TNRC6B: variants seen among roughly 807,000 people sequenced by gnomAD.
The protein encoded by TNRC6B is trinucleotide repeat-containing gene 6B protein.
Under a neutral mutation model 203.6 loss-of-function variants are expected in TNRC6B, and 52 were observed. That is an observed-to-expected ratio of 0.26 (90% confidence interval 0.20 to 0.32). The LOEUF is 0.32. Among genes scored for constraint, TNRC6B ranks in the 10% least tolerant of loss-of-function variants. TNRC6B has a pLI of 1.00. For missense variants in TNRC6B, 1,923 were observed against 2,286.2 expected, an observed-to-expected ratio of 0.84 and a Z score of 3.24; for synonymous variants, 838 against 845.7, an observed-to-expected ratio of 0.99 and a Z score of 0.16.
At chr22:40,111,928 C>T (rs1568987078) in intron 1 of TNRC6B, among the ~76,000 whole-genome samples, 1 of 152,144 alleles carries the variant, frequency 6.6e-6, no homozygotes, top group Non-Finnish European at 1.5e-5. Flanking sequence ...TGGTAAAACC[C>T]CAACTCTACT....
chr22:40,177,735 C>G (rs1439491909), upstream of TNRC6B, among the ~76,000 whole-genome samples: 1 of 152,204 alleles, frequency 6.6e-6, no homozygotes, highest in Non-Finnish European at 1.5e-5. Flanking sequence ...GCTGTTGCCA[C>G]TTTCACATGC....
At chr22:40,173,798 T>TATATATATATAA (rs1347105048), upstream of TNRC6B, among the ~76,000 whole-genome samples, 43 of 61,106 alleles carry the variant, frequency 7.0e-4, no homozygotes, top group Non-Finnish European at 1.1e-3. Flanking sequence ...TATATATTTT[T>TATATATATATAA]TTTTTTTTTT....
chr22:40,182,239 C>T (rs1414470560), intron 1 of TNRC6B, among the ~76,000 whole-genome samples: 3 of 150,188 alleles, frequency 2.0e-5, no homozygotes, highest in Non-Finnish European at 3.0e-5. Flanking sequence ...AGGGAGACTC[C>T]GTCTCAAAAA....
chr22:40,090,401 G>GT (rs60280693), intron 1 of TNRC6B, among the ~76,000 whole-genome samples: 282 of 136,714 alleles, frequency 2.1e-3, no homozygotes, highest in East Asian at 0.013. Context: ...GCATCTCATT[G>GT]TTTTTTTTTT....
At chr22:40,279,720 G>T (rs1204661755) in intron 9 of TNRC6B, among the ~76,000 whole-genome samples, 1 of 152,060 alleles carries the variant, frequency 6.6e-6, no homozygotes, top group African/African-American at 2.4e-5. Context: ...TATCCCTAAG[G>T]CTCTTTCAGT....
intron 1 of TNRC6B, among the ~76,000 whole-genome samples, chr22:40,195,146 T>G (rs1049695142): frequency 3.9e-5 from 6 of 152,360 alleles, no homozygotes; most frequent in Non-Finnish European, 2.9e-5. Flanking sequence ...TTTTTAAATG[T>G]CTGGCTTTGC....
At chr22:40,051,581 T>TAC (rs1312067313) in intron 1 of TNRC6B, among the ~76,000 whole-genome samples, 1 of 152,230 alleles carries the variant, frequency 6.6e-6, no homozygotes, top group African/African-American at 2.4e-5. Context: ...GTGCTTTGTT[T>TAC]ATGTTTCCTG....
At chr22:40,090,720 T>A (rs1182620946) in intron 1 of TNRC6B, among the ~76,000 whole-genome samples, 1 of 152,144 alleles carries the variant, frequency 6.6e-6, no homozygotes, top group Admixed American at 6.5e-5. Context: ...AAAAAACACC[T>A]CCTAACCCAT....
intron 1 of TNRC6B, among the ~76,000 whole-genome samples, chr22:40,192,222 C>T (rs1045704088): frequency 1.1e-4 from 17 of 152,188 alleles, no homozygotes; most frequent in South Asian, 2.1e-4. Context: ...AAAAACTAAA[C>T]TTGCCTCCAC....
chr22:40,150,271 G>C (rs1321647954), intron 3 of TNRC6B, among the ~76,000 whole-genome samples: 1 of 152,258 alleles, frequency 6.6e-6, no homozygotes, highest in South Asian at 2.1e-4. Context: ...CCAGCTACTT[G>C]GGAGGCTGAG....
chr22:40,323,539 A>C lies in TNRC6B; in HGVS notation c.*298A>C, dbSNP rs2071366446. ...GTGAAGCAAGTACACATACCATTTA[A>C]ATTTAAACACAAAAAAATTAAAAAA... On this transcript the variant is annotated 3_prime_UTR_variant, in exon 23 of 23. Coordinates refer to ENST00000454349, the MANE Select transcript of TNRC6B (RefSeq NM_001162501.2). The C allele has an allele frequency of 4.4e-6, 1 of 228,476 alleles. No homozygotes were observed. The highest frequency in any genetic ancestry group is 8.5e-6 in the Non-Finnish European group (1 of 117,708). 14.2% of individuals were successfully genotyped at this position (228,476 alleles called of 1,614,324 possible).
intron 1 of TNRC6B, among the ~76,000 whole-genome samples, chr22:40,077,421 G>A (rs2068026219): frequency 6.6e-6 from 1 of 152,130 alleles, no homozygotes; most frequent in Non-Finnish European, 1.5e-5. Flanking sequence ...GGCAAGTCTG[G>A]TAGTAGTTGC....
chr22:40,196,984 C>T (rs1334429532), intron 1 of TNRC6B, among the ~76,000 whole-genome samples: 1 of 152,110 alleles, frequency 6.6e-6, no homozygotes, highest in Non-Finnish European at 1.5e-5. Context: ...GACCAGGCTG[C>T]AGCCATGTAC....
chr22:40,108,589 C>G (rs1281793850), intron 1 of TNRC6B, among the ~76,000 whole-genome samples: 1 of 152,134 alleles, frequency 6.6e-6, no homozygotes, highest in Non-Finnish European at 1.5e-5. Flanking sequence ...TTCATTCTCC[C>G]ATGAGTGCAC....
chr22:40,178,993 A>T (rs1301044569), intron 1 of TNRC6B, among the ~76,000 whole-genome samples: 1 of 152,112 alleles, frequency 6.6e-6, no homozygotes. Context: ...TTTTTGTTTA[A>T]TTTTACACAG....
intron 2 of TNRC6B, among the ~76,000 whole-genome samples, chr22:40,120,529 G>A (rs1309980669): frequency 6.6e-6 from 1 of 152,066 alleles, no homozygotes; most frequent in Non-Finnish European, 1.5e-5. Context: ...TAGAAATGAG[G>A]TTAGTGAAAA....
intron 1 of TNRC6B, among the ~76,000 whole-genome samples, chr22:40,245,711 CGTGTGTGTGTGTGT>C (rs66501173): frequency 1.3e-5 from 2 of 151,014 alleles, no homozygotes; most frequent in African/African-American, 2.4e-5. Context: ...GGAAATTAAT[CGTGTGTGTGTGTGT>C]GTGTGTTTGT....
chr22:40,242,608 T>G (rs948552366), intron 1 of TNRC6B, among the ~76,000 whole-genome samples: 4 of 152,044 alleles, frequency 2.6e-5, no homozygotes, highest in Non-Finnish European at 5.9e-5. Flanking sequence ...TTTTGTATTT[T>G]AAACCTCTGT....
intron 1 of TNRC6B, among the ~76,000 whole-genome samples, chr22:40,064,084 T>A (rs1317850156): frequency 6.6e-6 from 1 of 152,230 alleles, no homozygotes; most frequent in Non-Finnish European, 1.5e-5. Flanking sequence ...CAATGGATTT[T>A]AATACATTAA....
Sources: gnomAD v4.1 joint callset for allele counts (sites outside exome capture counted in the v4.1 genomes callset) on GRCh38, gnomAD v4.1.1 for gene constraint, MANE v1.5 for transcripts, NCBI Gene and HGNC (gene_info 2026-07-23, HGNC 2026-07-21) for gene names.